The following AGBL1 variants were observed in gnomAD, a reference collection of about 807,000 sequenced individuals.
The protein encoded by AGBL1 is cytosolic carboxypeptidase 4.
A neutral mutation model predicts 118.9 loss-of-function variants in AGBL1; 130 were observed. That is an observed-to-expected ratio of 1.09 (90% confidence interval 0.95 to 1.26). AGBL1 has a LOEUF of 1.26. Among genes scored for constraint, AGBL1 ranks in the 50% most tolerant of loss-of-function variants. The pLI is 0.00. For missense variants in AGBL1, 1,584 were observed against 1,298.1 expected (o/e 1.22, Z -3.38); for synonymous variants, 555 against 478.9 (o/e 1.16, Z -2.08).
intron 22 of AGBL1, among the ~76,000 whole-genome samples, chr15:86,785,807 G>C (rs1289705717): frequency 6.6e-6 from 1 of 152,190 alleles, no homozygotes; most frequent in Non-Finnish European, 1.5e-5. Flanking sequence ...AGAGAACTGA[G>C]TTATAGGGCA....
intron 17 of AGBL1, among the ~76,000 whole-genome samples, chr15:86,393,740 A>G (rs2081321551): frequency 6.6e-6 from 1 of 152,116 alleles, no homozygotes; most frequent in South Asian, 2.1e-4. Flanking sequence ...GGTGCAGAAC[A>G]CCTAATCTGC....
At chr15:86,358,395 A>G (rs1335230586) in intron 17 of AGBL1, among the ~76,000 whole-genome samples, 1 of 151,992 alleles carries the variant, frequency 6.6e-6, no homozygotes, top group East Asian at 1.9e-4. Context: ...ATTCTCTTAT[A>G]TATATGTACA....
At chr15:86,951,135 G>T (rs936792363) in intron 23 of AGBL1, among the ~76,000 whole-genome samples, 7 of 152,212 alleles carry the variant, frequency 4.6e-5, no homozygotes, top group Non-Finnish European at 8.8e-5. Context: ...GTCAATGAGG[G>T]TGTGTACCTT....
chr15:86,152,036 A>G (rs1211685981), intron 3 of AGBL1, among the ~76,000 whole-genome samples: 1 of 152,220 alleles, frequency 6.6e-6, no homozygotes, highest in Non-Finnish European at 1.5e-5. Context: ...AACAAATGGA[A>G]GAACATTCCA....
chr15:86,469,230 T>A (rs538461212), intron 18 of AGBL1, among the ~76,000 whole-genome samples: 2 of 152,336 alleles, frequency 1.3e-5, no homozygotes, highest in East Asian at 3.9e-4. Context: ...CAGCTTTTTG[T>A]CCATTTCCTT....
Position 86,440,911 on chromosome 15 carries a change from A to G in AGBL1, c.2555+43365A>G, listed in dbSNP as rs141932307. 2.2e-3 allele frequency among the ~76,000 whole-genome samples: 332 copies of G among 152,330 alleles called. 4 individuals are homozygous for G. Among genetic ancestry groups the G allele is most frequent in the African/African-American group, 7.5e-3 (314 of 41,590 alleles). On this transcript the variant is annotated intron_variant, in intron 18 of 22. Transcript: ENST00000614907. ...ACAAGCATCAGAATCAGAATCAGGC[A>G]TAGGAAACAGGCTCAAGAAACAAAA...
In AGBL1 at chr15:86,914,780, T is replaced by A. The variant is rs1378046554; in HGVS notation, c.*7486T>A. Reference sequence around the variant, plus strand: ...ACTTGCTCTCCAAGGAAAAACATCTTTCTTCAAAGACCCCTAAGGGCCCTC... The same window carrying A: ...ACTTGCTCTCCAAGGAAAAACATCTATCTTCAAAGACCCCTAAGGGCCCTC... On this transcript the variant is annotated 3_prime_UTR_variant, in exon 23 of 23. Coordinates refer to ENST00000614907, the MANE Select transcript of AGBL1 (RefSeq NM_001386094.1). 1 of 152,156 alleles carries A rather than the reference T, an allele frequency of 6.6e-6. No homozygotes were observed. The highest frequency in any genetic ancestry group is 1.9e-4 in the East Asian group (1 of 5,192). The allele number at this position is 152,156 out of a possible 1,614,324, so 9.4% of individuals were successfully genotyped here.
At chr15:86,828,914 G>GTATATATATATATATATATATA (rs3059643) in intron 22 of AGBL1, among the ~76,000 whole-genome samples, 3 of 141,868 alleles carry the variant, frequency 2.1e-5, no homozygotes, top group East Asian at 2.1e-4. Flanking sequence ...AAGTTCAAAA[G>GTATATATATATATATATATATA]TATATATATA....
At chr15:86,251,520 C>T (rs913417866) in intron 7 of AGBL1, among the ~76,000 whole-genome samples, 1 of 152,164 alleles carries the variant, frequency 6.6e-6, no homozygotes, top group African/African-American at 2.4e-5. Context: ...GCTGACAAAC[C>T]TACTGAGAAT....
intron 17 of AGBL1, chr15:86,312,423 T>C (rs1779516778): frequency 6.6e-6 from 1 of 152,202 alleles, no homozygotes; most frequent in African/African-American, 2.4e-5. Context: ...ATGAGCTGAG[T>C]CACTGGGCAA....
chr15:86,422,491 A>G (rs572402260), intron 18 of AGBL1, among the ~76,000 whole-genome samples: 2 of 152,344 alleles, frequency 1.3e-5, no homozygotes, highest in East Asian at 3.9e-4. Context: ...CACAGGAGAA[A>G]GTGGGAAAGA....
At chr15:86,554,064 C>T (rs182631055) in intron 20 of AGBL1, among the ~76,000 whole-genome samples, 20 of 151,990 alleles carry the variant, frequency 1.3e-4, no homozygotes, top group South Asian at 8.3e-4. Flanking sequence ...TTCACCATGA[C>T]GGCTAGGCTG....
At chr15:86,524,468 C>T (rs1396610776) in intron 19 of AGBL1, among the ~76,000 whole-genome samples, 1 of 152,182 alleles carries the variant, frequency 6.6e-6, no homozygotes, top group African/African-American at 2.4e-5. Flanking sequence ...GATACACAGA[C>T]AGTGCTTGAC....
chr15:86,201,916 AG>A (rs1345099707), intron 5 of AGBL1, among the ~76,000 whole-genome samples: 5 of 152,302 alleles, frequency 3.3e-5, no homozygotes, highest in Non-Finnish European at 5.9e-5. Context: ...GGGCACATGT[AG>A]GGGGCGGTGC....
intron 22 of AGBL1, among the ~76,000 whole-genome samples, chr15:86,709,456 G>A (rs2086514941): frequency 6.6e-6 from 1 of 152,120 alleles, no homozygotes; most frequent in Admixed American, 6.6e-5. Flanking sequence ...CATAGTTACT[G>A]AGCACTTACT....
At chr15:86,342,819 A>C (rs576533801) in intron 17 of AGBL1, among the ~76,000 whole-genome samples, 16 of 152,228 alleles carry the variant, frequency 1.1e-4, no homozygotes, top group Non-Finnish European at 2.4e-4. Context: ...TTAAGAAAAT[A>C]TGTTTTTCTG....
intron 17 of AGBL1, among the ~76,000 whole-genome samples, chr15:86,380,417 T>G (rs1303643758): frequency 6.6e-6 from 1 of 151,798 alleles, no homozygotes; most frequent in African/African-American, 2.4e-5. Flanking sequence ...CCTGAGTAGC[T>G]GGGATTACAG....
At chr15:86,820,893 C>T (rs899091622) in intron 22 of AGBL1, among the ~76,000 whole-genome samples, 2 of 152,126 alleles carry the variant, frequency 1.3e-5, no homozygotes, top group African/African-American at 4.8e-5. Context: ...ATATTTATTG[C>T]AGCACTATTC....
chr15:86,823,880 C>G (rs900583766), intron 22 of AGBL1, among the ~76,000 whole-genome samples: 1 of 152,074 alleles, frequency 6.6e-6, no homozygotes, highest in Non-Finnish European at 1.5e-5. Context: ...AGTACCCTTT[C>G]ATTAAAACCT....
Sources: allele counts gnomAD v4.1 joint callset (sites outside exome capture counted in the v4.1 genomes callset), GRCh38; gene constraint gnomAD v4.1.1; transcripts MANE v1.5; gene names NCBI Gene and HGNC (gene_info 2026-07-23, HGNC 2026-07-21).